Variants in NEDD4L observed in about 807,000 individuals in gnomAD.
NEDD4L encodes E3 ubiquitin-protein ligase NEDD4-like.
Under a neutral mutation model 148.9 loss-of-function variants are expected in NEDD4L, and 54 were observed. The observed-to-expected ratio is 0.36, with a 90% CI of 0.29 to 0.45. The LOEUF (loss-of-function observed/expected upper bound fraction) is 0.45. Among genes scored for constraint, NEDD4L ranks in the 20% least tolerant of loss-of-function variants. The pLI is 1.00. For synonymous variants in NEDD4L, 433 were observed against 440.7 expected (o/e 0.98, Z 0.22); for missense variants, 856 against 1,233.8 (o/e 0.69, Z 4.59).
chr18:58,306,156 C>T (rs974220078), intron 5 of NEDD4L, among the ~76,000 whole-genome samples: 4 of 152,028 alleles, frequency 2.6e-5, no homozygotes, highest in Non-Finnish European at 5.9e-5. Flanking sequence ...AGGAAGAGGA[C>T]ATATGGAAGG....
At chr18:58,086,426 A>G (rs2083762039) in intron 1 of NEDD4L, among the ~76,000 whole-genome samples, 1 of 152,176 alleles carries the variant, frequency 6.6e-6, no homozygotes. Context: ...CAGGTTGAGG[A>G]GCAGGGTGAG....
chr18:58,249,279 A>T (rs2047627853), intron 4 of NEDD4L, among the ~76,000 whole-genome samples: 1 of 152,230 alleles, frequency 6.6e-6, no homozygotes, highest in African/African-American at 2.4e-5. Flanking sequence ...TATTTTAGAG[A>T]GAGTAAAACA....
At chr18:58,234,087 T>G in intron 2 of NEDD4L, among the ~76,000 whole-genome samples, 1 of 95,422 alleles carries the variant, frequency 1.0e-5, no homozygotes, top group Admixed American at 1.1e-4. Context: ...CTTTCTTTCT[T>G]TCTTTCTTTC....
At chr18:58,165,928 C>A (rs2036795039) in intron 2 of NEDD4L, 67 bp downstream of exon 2, 2 of 1,314,034 alleles carry the variant, frequency 1.5e-6, no homozygotes, top group East Asian at 2.5e-5. Context: ...CAAATTCAGG[C>A]ACGCATCAGA....
intron 6 of NEDD4L, among the ~76,000 whole-genome samples, chr18:58,320,306 C>T (rs1296407611): frequency 6.6e-6 from 1 of 152,186 alleles, no homozygotes; most frequent in Non-Finnish European, 1.5e-5. Context: ...GTATTGAACT[C>T]CACATCCAAA....
chr18:58,120,859 A>C (rs1598925068), intron 1 of NEDD4L, among the ~76,000 whole-genome samples: 9 of 140,418 alleles, frequency 6.4e-5, no homozygotes, highest in African/African-American at 1.1e-4. Flanking sequence ...TCCCCCCCTC[A>C]CTCCCCCATC....
chr18:58,291,029 G>C (rs1473319722), intron 5 of NEDD4L, among the ~76,000 whole-genome samples: 2 of 141,986 alleles, frequency 1.4e-5, no homozygotes, highest in Non-Finnish European at 3.1e-5. Flanking sequence ...TGGTCACACA[G>C]AGAGAGAACC....
chr18:58,061,167 C>T (rs1011593313), intron 1 of NEDD4L, among the ~76,000 whole-genome samples: 5 of 152,190 alleles, frequency 3.3e-5, no homozygotes, highest in Admixed American at 3.3e-4. Flanking sequence ...ACAGCTCCCA[C>T]AACGATCATC....
chr18:58,341,547 A>C, intron 14 of NEDD4L, 131 bp from the exon 15 acceptor site: 1 of 945,270 alleles, frequency 1.1e-6, no homozygotes, highest in African/African-American at 1.7e-5. Context: ...ATGTTTAATT[A>C]TTTCCTCCAC....
intron 2 of NEDD4L, among the ~76,000 whole-genome samples, chr18:58,229,034 T>TGCACG (rs1045696224): frequency 2.0e-5 from 3 of 152,230 alleles, no homozygotes; most frequent in African/African-American, 7.2e-5. Flanking sequence ...GCAATCCCTG[T>TGCACG]GCACGTGAAG....
chr18:58,379,847 G>A (rs2048103746), intron 24 of NEDD4L, among the ~76,000 whole-genome samples: 2 of 151,902 alleles, frequency 1.3e-5, no homozygotes, highest in East Asian at 1.9e-4. Flanking sequence ...GGCTCGAGCC[G>A]AGACACCGAG....
At chr18:58,224,506 T>TC (rs2044138605) in intron 2 of NEDD4L, among the ~76,000 whole-genome samples, 1 of 152,224 alleles carries the variant, frequency 6.6e-6, no homozygotes, top group Non-Finnish European at 1.5e-5. Context: ...CTCCACTTTT[T>TC]CTCTCTTGCC....
chr18:58,200,924 A>G lies in NEDD4L; in HGVS notation c.122+35063A>G, dbSNP rs138079966. On this transcript the variant is annotated intron_variant, in intron 2 of 30. Coordinates refer to ENST00000400345, the MANE Select transcript of NEDD4L (RefSeq NM_001144967.3). ...GCCCCACTTCCCCACCTTCTTACCT[A>G]CTTGTATCTTAGATCTTATATATAT... Among the ~76,000 whole-genome samples, 137 of 152,294 alleles carry G rather than the reference A, an allele frequency of 9.0e-4. 1 individual carries two copies. In the East Asian group the frequency reaches 0.012, roughly 13 times the overall value.
At chr18:58,064,707 G>A (rs968142736) in intron 1 of NEDD4L, among the ~76,000 whole-genome samples, 1 of 152,174 alleles carries the variant, frequency 6.6e-6, no homozygotes, top group Admixed American at 6.5e-5. Context: ...GGAAGTACTC[G>A]TTTACATAAA....
chr18:58,257,102 A>G (rs2048697769), intron 5 of NEDD4L, among the ~76,000 whole-genome samples: 1 of 152,170 alleles, frequency 6.6e-6, no homozygotes, highest in Admixed American at 6.5e-5. Flanking sequence ...CTGCCAAAAA[A>G]CAAGTCAGTG....
At chr18:58,148,311 A>G (rs2034323461) in intron 1 of NEDD4L, among the ~76,000 whole-genome samples, 1 of 97,026 alleles carries the variant, frequency 1.0e-5, no homozygotes, top group Non-Finnish European at 2.3e-5. Flanking sequence ...GACTACAGGC[A>G]CATGCACTGT....
intron 1 of NEDD4L, among the ~76,000 whole-genome samples, chr18:58,092,483 CG>C (rs1271277393): frequency 6.6e-6 from 1 of 152,000 alleles, no homozygotes; most frequent in African/African-American, 2.4e-5. Flanking sequence ...AGATGCTGAA[CG>C]GGTGGGGAAG....
intron 19 of NEDD4L, among the ~76,000 whole-genome samples, chr18:58,360,441 A>G (rs2045314707): frequency 6.6e-6 from 1 of 152,050 alleles, no homozygotes; most frequent in Non-Finnish European, 1.5e-5. Context: ...TAATTCTTTA[A>G]GCTTTTTTTG....
chr18:58,074,194 A>G (rs1310604784), intron 1 of NEDD4L, among the ~76,000 whole-genome samples: 1 of 151,830 alleles, frequency 6.6e-6, no homozygotes, highest in Non-Finnish European at 1.5e-5. Flanking sequence ...GACCTATCAG[A>G]TGTTTCCTCC....
Sources: gnomAD v4.1 joint callset for allele counts (sites outside exome capture counted in the v4.1 genomes callset) on GRCh38, gnomAD v4.1.1 for gene constraint, MANE v1.5 for transcripts, NCBI Gene and HGNC (gene_info 2026-07-23, HGNC 2026-07-21) for gene names.